SOX5: variants seen among roughly 807,000 people sequenced by gnomAD.
The protein encoded by SOX5 is SRY-box transcription factor 5.
Under a neutral mutation model 92.0 loss-of-function variants are expected in SOX5, and 9 were observed. The ratio of observed to expected loss-of-function variants is 0.10; its 90% CI spans 0.06 to 0.17. The LOEUF (loss-of-function observed/expected upper bound fraction) is 0.17, where lower values mean the gene tolerates loss of function less well. SOX5 is among the 10% of genes least tolerant of loss of function. The pLI is 1.00. For missense variants in SOX5, 642 were observed against 944.5 expected (o/e 0.68, Z 4.20); for synonymous variants, 344 against 336.3 (o/e 1.02, Z -0.25).
chr12:24,428,753 A>AAAAAAAAAAAAAAAAAAAC (rs1967044959), intron 1 of SOX5, among the ~76,000 whole-genome samples: 1 of 148,966 alleles, frequency 6.7e-6, no homozygotes. Context: ...AAAAAAAAAA[A>AAAAAAAAAAAAAAAAAAAC]AAAAAAGCTA....
At chr12:24,225,097 T>C (rs1961585722) in intron 3 of SOX5, among the ~76,000 whole-genome samples, 1 of 152,240 alleles carries the variant, frequency 6.6e-6, no homozygotes, top group Non-Finnish European at 1.5e-5. Context: ...ACATTTTGGT[T>C]ATATCGAACA....
At chr12:23,745,743 C>T (rs2093960831) in intron 4 of SOX5, among the ~76,000 whole-genome samples, 1 of 150,938 alleles carries the variant, frequency 6.6e-6, no homozygotes, top group Non-Finnish European at 1.5e-5. Flanking sequence ...AACATTTGTT[C>T]TCTTCTTTGG....
intron 8 of SOX5, among the ~76,000 whole-genome samples, chr12:23,630,966 T>G (rs1566528790): frequency 6.6e-6 from 1 of 152,046 alleles, no homozygotes; most frequent in African/African-American, 2.4e-5. Context: ...TTTGTGTGTG[T>G]GTATCTATAC....
At chr12:24,277,448 A>ATG (rs550623780) in intron 2 of SOX5, 1 of 60,104 alleles carries the variant, frequency 1.7e-5, no homozygotes, top group South Asian at 7.8e-4. Flanking sequence ...ATAAACCATT[A>ATG]TATATATGTA....
At chr12:23,633,038 T>C (rs1711761061) in intron 8 of SOX5, among the ~76,000 whole-genome samples, 1 of 152,130 alleles carries the variant, frequency 6.6e-6, no homozygotes, top group Non-Finnish European at 1.5e-5. Context: ...AATAAGATCA[T>C]CCAAAAAGAA....
chr12:23,974,101 TAATAA>T (rs1419114523), intron 4 of SOX5, among the ~76,000 whole-genome samples: 1 of 152,062 alleles, frequency 6.6e-6, no homozygotes, highest in African/African-American at 2.4e-5. Context: ...TAATAACTAA[TAATAA>T]AATAGAAAAA....
chr12:23,581,022 C>T (rs1274133624), intron 9 of SOX5, among the ~76,000 whole-genome samples: 14 of 151,804 alleles, frequency 9.2e-5, no homozygotes, highest in Non-Finnish European at 2.1e-4. Context: ...ACAATTTATC[C>T]TAGAAGAAAA....
chr12:24,452,052 A>G (rs969433858), intron 1 of SOX5, among the ~76,000 whole-genome samples: 1 of 152,164 alleles, frequency 6.6e-6, no homozygotes, highest in Non-Finnish European at 1.5e-5. Context: ...TGGCTATCAC[A>G]TGGTCTTGAA....
At chr12:24,288,810 C>T (rs955326839) in intron 2 of SOX5, among the ~76,000 whole-genome samples, 3 of 151,718 alleles carry the variant, frequency 2.0e-5, no homozygotes, top group African/African-American at 7.3e-5. Flanking sequence ...CACCTGCACA[C>T]CAATCTTTAA....
intron 4 of SOX5, among the ~76,000 whole-genome samples, chr12:24,120,252 C>T (rs1948475383): frequency 1.3e-5 from 2 of 152,154 alleles, no homozygotes; most frequent in African/African-American, 4.8e-5. Context: ...TGAACGGTTT[C>T]CTGAGTGGTT....
rs527319810 is a variant in SOX5, at chr12:24,220,671, G to A, written c.-76-7254C>T. ...CCACAGCACACAGATCTCTACTGGTGCACCCCATCCAATTGGAAGTATCTA... is the reference window on the plus strand; with the variant it reads ...CCACAGCACACAGATCTCTACTGGTACACCCCATCCAATTGGAAGTATCTA... On this transcript the variant is annotated intron_variant, in intron 3 of 4. Coordinates refer to the SOX5 transcript ENST00000446891. 7.9e-5 allele frequency among the ~76,000 whole-genome samples: 12 copies of A among 152,264 alleles called. No homozygotes were observed. The South Asian group carries it at 2.3e-3, about 29-fold the overall frequency.
intron 3 of SOX5, among the ~76,000 whole-genome samples, chr12:24,230,770 T>C (rs1397676233): frequency 6.6e-6 from 1 of 152,194 alleles, no homozygotes; most frequent in Non-Finnish European, 1.5e-5. Context: ...GCAAGAATCA[T>C]GCCCTGACAC....
chr12:24,030,879 A>T (rs1416123535), intron 4 of SOX5, among the ~76,000 whole-genome samples: 1 of 151,942 alleles, frequency 6.6e-6, no homozygotes, highest in Non-Finnish European at 1.5e-5. Flanking sequence ...AAAAATAGGC[A>T]AAGAACCTGA....
At chr12:24,020,559 A>T (rs890869774) in intron 4 of SOX5, among the ~76,000 whole-genome samples, 1 of 152,150 alleles carries the variant, frequency 6.6e-6, no homozygotes, top group Non-Finnish European at 1.5e-5. Context: ...GGCCTTAATT[A>T]AAAAAGACAC....
intron 4 of SOX5, among the ~76,000 whole-genome samples, chr12:23,971,121 CTTTTTTTTT>C (rs71059953): frequency 1.2e-5 from 1 of 86,222 alleles, no homozygotes; most frequent in South Asian, 4.8e-4. Flanking sequence ...TGTCAGCTGA[CTTTTTTTTT>C]TTTTTTTTTT....
chr12:24,559,264 T>C (rs974352301), intron 1 of SOX5, among the ~76,000 whole-genome samples: 6 of 152,300 alleles, frequency 3.9e-5, no homozygotes, highest in Non-Finnish European at 8.8e-5. Context: ...CAGGTTACTC[T>C]CAAAACTCCA....
At chr12:24,060,825 G>T (rs1009365106) in intron 4 of SOX5, among the ~76,000 whole-genome samples, 5 of 152,166 alleles carry the variant, frequency 3.3e-5, no homozygotes, top group South Asian at 2.1e-4. Flanking sequence ...ATGGACAAAG[G>T]TTGCTTAAAA....
intron 1 of SOX5, among the ~76,000 whole-genome samples, chr12:24,516,695 T>A (rs1193658243): frequency 6.6e-6 from 1 of 152,202 alleles, no homozygotes; most frequent in Non-Finnish European, 1.5e-5. Flanking sequence ...ATAGTCTGAG[T>A]TACAATTTTA....
intron 4 of SOX5, among the ~76,000 whole-genome samples, chr12:24,000,557 T>G (rs1951502254): frequency 6.6e-6 from 1 of 152,114 alleles, no homozygotes; most frequent in Non-Finnish European, 1.5e-5. Flanking sequence ...TGTTTGTGTA[T>G]TTCAGTGTTT....
Sources: allele counts gnomAD v4.1 joint callset (sites outside exome capture counted in the v4.1 genomes callset), GRCh38; gene constraint gnomAD v4.1.1; transcripts MANE v1.5; gene names NCBI Gene and HGNC (gene_info 2026-07-23, HGNC 2026-07-21).